LRRN2: variants seen among roughly 807,000 people sequenced by gnomAD.
LRRN2 encodes the protein leucine-rich repeat neuronal protein 2.
In LRRN2, 10 loss-of-function variants were observed where a neutral mutation model predicts 35.7. The ratio of observed to expected loss-of-function variants is 0.28; its 90% CI spans 0.17 to 0.47. The LOEUF is 0.47. LRRN2 is among the 20% of genes least tolerant of loss of function. LRRN2 has a pLI of 0.99. For synonymous variants in LRRN2, 391 were observed against 409.6 expected (o/e 0.95, Z 0.55); for missense variants, 731 against 940.3 (o/e 0.78, Z 2.91).
At chr1:204,649,921 C>T (rs1015628607) in intron 1 of LRRN2, among the ~76,000 whole-genome samples, 31 of 152,334 alleles carry the variant, frequency 2.0e-4, no homozygotes, top group Non-Finnish European at 4.0e-4. Flanking sequence ...AGAGACTGTG[C>T]AGCCAGAGGT....
At position 204,652,263 on chromosome 1, in the gene LRRN2, C is replaced by CCCCCCCCCGCCCCCCCG. The variant is rs1553348476; in HGVS notation, c.-226-32046_-226-32045insCGGGGGGGCGGGGGGGG. 1.1e-3 allele frequency among the ~76,000 whole-genome samples: 80 copies of CCCCCCCCCGCCCCCCCG among 73,440 alleles called. 1 individual carries two copies. The highest frequency in any genetic ancestry group is 7.4e-3 in the Middle Eastern group (1 of 136). The allele number at this position is 73,440 out of a possible 152,430, so 48.2% of individuals were successfully genotyped here. ...CCTTCGCCCTCTCCTCTTCACCGCC[C>CCCCCCCCCGCCCCCCCG]CCCCCCCGCCCCCCCGCCGCCTTCC... On this transcript the variant is annotated intron_variant, in intron 1 of 1. Coordinates refer to ENST00000367177, the MANE Select transcript of LRRN2 (RefSeq NM_201630.2).
intron 1 of LRRN2, among the ~76,000 whole-genome samples, chr1:204,663,486 G>A (rs889594599): frequency 1.3e-5 from 2 of 152,160 alleles, no homozygotes; most frequent in African/African-American, 2.4e-5. Context: ...TCTTCTGTCT[G>A]CTTGTGCATG....
intron 1 of LRRN2, among the ~76,000 whole-genome samples, chr1:204,625,993 C>T (rs1269879052): frequency 1.3e-5 from 2 of 152,194 alleles, no homozygotes; most frequent in Non-Finnish European, 2.9e-5. Context: ...GACCTCCTGG[C>T]CCCCGTGCCC....
intron 1 of LRRN2, among the ~76,000 whole-genome samples, chr1:204,665,472 T>A (rs1490366651): frequency 6.6e-6 from 1 of 152,152 alleles, no homozygotes; most frequent in African/African-American, 2.4e-5. Context: ...GTCGACATCA[T>A]TAGTAGTTGC....
intron 1 of LRRN2, among the ~76,000 whole-genome samples, chr1:204,645,060 C>T (rs1668076103): frequency 6.6e-6 from 1 of 152,216 alleles, no homozygotes; most frequent in Non-Finnish European, 1.5e-5. Flanking sequence ...CACCTTACAC[C>T]TGCACAGAGA....
intron 1 of LRRN2, among the ~76,000 whole-genome samples, chr1:204,638,366 G>A (rs1667890035): frequency 6.8e-6 from 1 of 146,940 alleles, no homozygotes; most frequent in South Asian, 2.2e-4. Flanking sequence ...AGGAAACTGA[G>A]GCTTACAGAT....
At chr1:204,630,015 G>C (rs569496723) in intron 1 of LRRN2, among the ~76,000 whole-genome samples, 2 of 152,160 alleles carry the variant, frequency 1.3e-5, no homozygotes, top group African/African-American at 4.8e-5. Context: ...CAGGGTGACA[G>C]GAGCCGTACT....
At chr1:204,645,870 C>T (rs1024467059) in intron 1 of LRRN2, among the ~76,000 whole-genome samples, 12 of 152,186 alleles carry the variant, frequency 7.9e-5, no homozygotes, top group South Asian at 4.1e-4. Context: ...GGGGAAACCA[C>T]GCCCATGATT....
intron 1 of LRRN2, among the ~76,000 whole-genome samples, chr1:204,657,237 G>A (rs934720178): frequency 5.3e-5 from 8 of 151,830 alleles, no homozygotes; most frequent in Non-Finnish European, 7.4e-5. Flanking sequence ...CCCGGGAGGC[G>A]GAGGTTGCAG....
At chr1:204,667,117 C>A (rs1668589926) in intron 1 of LRRN2, among the ~76,000 whole-genome samples, 1 of 152,078 alleles carries the variant, frequency 6.6e-6, no homozygotes, top group Non-Finnish European at 1.5e-5. Context: ...TATACAGGAG[C>A]AGCACAAGGG....
chr1:204,633,804 C>T (rs758562005), intron 1 of LRRN2, among the ~76,000 whole-genome samples: 4 of 152,242 alleles, frequency 2.6e-5, no homozygotes, highest in Non-Finnish European at 5.9e-5. Flanking sequence ...GAGGAGATTT[C>T]CAGTTGACTT....
intron 1 of LRRN2, among the ~76,000 whole-genome samples, chr1:204,646,327 C>T (rs1422815670): frequency 5.9e-5 from 9 of 151,846 alleles, no homozygotes; most frequent in Non-Finnish European, 8.8e-5. Context: ...AGGCTGTGTG[C>T]GTGTGTGTGT....
intron 1 of LRRN2, among the ~76,000 whole-genome samples, chr1:204,673,793 C>T (rs1420106372): frequency 4.6e-5 from 7 of 152,166 alleles, no homozygotes; most frequent in Non-Finnish European, 7.4e-5. Context: ...GGTTCTCCCC[C>T]TCCCTGCTTT....
intron 1 of LRRN2, among the ~76,000 whole-genome samples, chr1:204,637,170 A>G (rs1667855892): frequency 1.3e-5 from 2 of 152,340 alleles, no homozygotes; most frequent in African/African-American, 4.8e-5. Flanking sequence ...ATTGGGGGGA[A>G]AATCCCCAAA....
chr1:204,640,497 C>T (rs1667953756), intron 1 of LRRN2, among the ~76,000 whole-genome samples: 1 of 152,204 alleles, frequency 6.6e-6, no homozygotes, highest in Non-Finnish European at 1.5e-5. Flanking sequence ...CCTGGAAGGG[C>T]GTTCAGGGGC....
intron 1 of LRRN2, among the ~76,000 whole-genome samples, chr1:204,684,874 G>C (rs1466399921): frequency 6.6e-6 from 1 of 152,176 alleles, no homozygotes; most frequent in Non-Finnish European, 1.5e-5. Flanking sequence ...CCAGGCTCTG[G>C]AGCGCTTCCA....
At chr1:204,650,111 A>C (rs1048863726) in intron 1 of LRRN2, among the ~76,000 whole-genome samples, 12 of 152,126 alleles carry the variant, frequency 7.9e-5, no homozygotes, top group Non-Finnish European at 1.2e-4. Context: ...CAGCCCAAAA[A>C]CTTCCTCAGC....
chr1:204,660,203 TCG>T (rs1558418719), intron 1 of LRRN2, among the ~76,000 whole-genome samples: 5 of 458 alleles, frequency 0.011, no homozygotes, highest in African/African-American at 0.035. Flanking sequence ...CCGTCCACCC[TCG>T]TTTCTCCTTC....
intron 1 of LRRN2, among the ~76,000 whole-genome samples, chr1:204,682,197 GGA>G (rs1392373589): frequency 6.6e-6 from 1 of 152,146 alleles, no homozygotes; most frequent in East Asian, 1.9e-4. Context: ...GTGGGGTGTG[GGA>G]TGAGGGACTT....
Sources: allele counts gnomAD v4.1 joint callset (sites outside exome capture counted in the v4.1 genomes callset), GRCh38; gene constraint gnomAD v4.1.1; transcripts MANE v1.5; gene names NCBI Gene and HGNC (gene_info 2026-07-23, HGNC 2026-07-21).